Variants in ZDHHC15 observed in about 807,000 individuals in gnomAD.
ZDHHC15 encodes the protein zDHHC palmitoyltransferase 15, also known as palmitoyltransferase ZDHHC15.
A neutral mutation model predicts 31.7 loss-of-function variants in ZDHHC15; 19 were observed. That is an observed-to-expected ratio of 0.60 (90% CI 0.42 to 0.88). ZDHHC15 has a LOEUF of 0.88. Among genes scored for constraint, ZDHHC15 ranks in the 40% least tolerant of loss-of-function variants. The probability of loss-of-function intolerance (pLI) is 0.00; values close to 1 mark genes in which losing one functional copy is unlikely to be tolerated. For synonymous variants in ZDHHC15, 103 were observed against 90.0 expected (o/e 1.14, Z -0.82); for missense variants, 209 against 251.2 (o/e 0.83, Z 1.14).
At chrX:75,437,425 A>G (rs2083871998) in intron 4 of ZDHHC15, among the ~76,000 whole-genome samples, 3 of 70,583 alleles carry the variant, frequency 4.3e-5, no homozygotes, top group Non-Finnish European at 7.8e-5. Flanking sequence ...TCCCAATGCT[A>G]TCCCTCCCCC....
chrX:75,460,956 AG>A (rs1224062442), intron 3 of ZDHHC15, among the ~76,000 whole-genome samples: 9 of 111,953 alleles, frequency 8.0e-5, no homozygotes, highest in Non-Finnish European at 1.5e-4. Flanking sequence ...AATTGACAGA[AG>A]TAGGCTTCAG....
intron 3 of ZDHHC15, among the ~76,000 whole-genome samples, chrX:75,465,221 T>A (rs1047515762): frequency 2.7e-5 from 3 of 111,109 alleles, no homozygotes; most frequent in Non-Finnish European, 5.7e-5. Flanking sequence ...ACAAAAAGAA[T>A]AAAATACCTA....
At chrX:75,473,941 G>C (rs1229465505) in intron 3 of ZDHHC15, among the ~76,000 whole-genome samples, 3 of 111,473 alleles carry the variant, frequency 2.7e-5, no homozygotes, top group Admixed American at 9.6e-5. Context: ...GTTGTACAAA[G>C]GATAGTTGTA....
At chrX:75,401,653 C>T (rs2083359364) in intron 10 of ZDHHC15, among the ~76,000 whole-genome samples, 1 of 112,150 alleles carries the variant, frequency 8.9e-6, no homozygotes, top group Admixed American at 9.4e-5. Flanking sequence ...AAGGGCATTA[C>T]ATAATGGTAA....
chrX:75,396,835 A>G (rs1477321859), intron 10 of ZDHHC15, among the ~76,000 whole-genome samples: 1 of 111,958 alleles, frequency 8.9e-6, no homozygotes, highest in Non-Finnish European at 1.9e-5. Flanking sequence ...TGTTATTTGC[A>G]ACAACATGGA....
chrX:75,375,258 G>A (rs1282887761), intron 11 of ZDHHC15, among the ~76,000 whole-genome samples: 1 of 111,561 alleles, frequency 9.0e-6, no homozygotes, highest in Non-Finnish European at 1.9e-5. Context: ...GTAAAAATTG[G>A]CTGACTTAAT....
intron 10 of ZDHHC15, chrX:75,384,196 T>C: frequency 2.3e-6 from 1 of 427,250 alleles, no homozygotes; most frequent in Non-Finnish European, 4.1e-6. Context: ...ACTTATCTAA[T>C]CATCCCAAAT....
chrX:75,435,444 C>A (rs1240551635), intron 4 of ZDHHC15, among the ~76,000 whole-genome samples: 1 of 111,987 alleles, frequency 8.9e-6, no homozygotes, highest in Non-Finnish European at 1.9e-5. Flanking sequence ...ATGCTTTCAA[C>A]TTTTCCCCAT....
intron 10 of ZDHHC15, chrX:75,384,286 T>C (rs1411703535): frequency 1.8e-6 from 1 of 565,183 alleles, no homozygotes; most frequent in Non-Finnish European, 3.1e-6. Flanking sequence ...TGAATTCCTA[T>C]ATAGAAAGCT....
At chrX:75,419,292 T>C (rs1178394270) in intron 9 of ZDHHC15, among the ~76,000 whole-genome samples, 2 of 111,527 alleles carry the variant, frequency 1.8e-5, no homozygotes, top group Admixed American at 9.6e-5. Flanking sequence ...GGGCGAAGGA[T>C]ATGAACAGAC....
At chrX:75,473,481 T>G (rs1212970086) in intron 3 of ZDHHC15, among the ~76,000 whole-genome samples, 3 of 110,637 alleles carry the variant, frequency 2.7e-5, no homozygotes, top group Non-Finnish European at 3.8e-5. Context: ...GGAGGAACAT[T>G]GCCACCAGGA....
At chrX:75,463,986 G>A (rs991312544) in intron 3 of ZDHHC15, among the ~76,000 whole-genome samples, 6 of 111,662 alleles carry the variant, frequency 5.4e-5, no homozygotes, top group South Asian at 7.6e-4. Flanking sequence ...ACACGCACGC[G>A]TATGTTTATT....
intron 1 of ZDHHC15, among the ~76,000 whole-genome samples, chrX:75,522,458 G>A (rs2085456075): frequency 9.0e-6 from 1 of 111,667 alleles, no homozygotes; most frequent in African/African-American, 3.3e-5. Flanking sequence ...TCTAGTAGGA[G>A]GGAAAATGGT....
chrX:75,422,669 ACT>A (rs916307475), intron 8 of ZDHHC15, among the ~76,000 whole-genome samples: 5 of 110,364 alleles, frequency 4.5e-5, no homozygotes, highest in African/African-American at 6.6e-5. Context: ...TTGTTTTCAG[ACT>A]CTGTTATCAT....
intron 2 of ZDHHC15, among the ~76,000 whole-genome samples, chrX:75,492,810 A>G (rs1189929731): frequency 8.9e-6 from 1 of 112,064 alleles, no homozygotes; most frequent in East Asian, 2.8e-4. Flanking sequence ...CTAGCACTAA[A>G]TGCCCACAAG....
intron 3 of ZDHHC15, among the ~76,000 whole-genome samples, chrX:75,475,377 T>A (rs2084587200): frequency 8.9e-6 from 1 of 111,999 alleles, no homozygotes; most frequent in East Asian, 2.8e-4. Flanking sequence ...ATCTTGGATC[T>A]ATTTTAAGTT....
intron 4 of ZDHHC15, among the ~76,000 whole-genome samples, chrX:75,448,790 G>A (rs763320956): frequency 5.7e-4 from 63 of 110,745 alleles, no homozygotes; most frequent in Non-Finnish European, 1.0e-3. Flanking sequence ...AATTTTGTGT[G>A]TCAACTTTAC....
intron 1 of ZDHHC15, among the ~76,000 whole-genome samples, chrX:75,518,839 ACACACAC>A (rs2085405438): frequency 1.1e-5 from 1 of 93,631 alleles, no homozygotes; most frequent in South Asian, 5.5e-4. Flanking sequence ...ACACACACAC[ACACACAC>A]AATAGACTAT....
intron 1 of ZDHHC15, among the ~76,000 whole-genome samples, chrX:75,518,116 G>A (rs2085389071): frequency 1.7e-5 from 1 of 59,487 alleles, no homozygotes; most frequent in African/African-American, 3.6e-5. Context: ...CAAAAGCATA[G>A]GCAACAAAAG....
Sources: allele counts gnomAD v4.1 joint callset (sites outside exome capture counted in the v4.1 genomes callset), GRCh38; gene constraint gnomAD v4.1.1; transcripts MANE v1.5; gene names NCBI Gene and HGNC (gene_info 2026-07-23, HGNC 2026-07-21).